Variants in FARS2 observed in about 807,000 individuals in gnomAD.
FARS2 encodes phenylalanine--tRNA ligase, mitochondrial.
Under a neutral mutation model 46.4 loss-of-function variants are expected in FARS2, and 40 were observed. The observed-to-expected ratio is 0.86, with a 90% CI of 0.67 to 1.12. FARS2 has a LOEUF of 1.12. FARS2 is among the 50% of genes most tolerant of loss of function. The pLI, the probability that FARS2 is intolerant of heterozygous loss-of-function variation, is 0.00. For missense variants in FARS2, 513 were observed against 567.9 expected (o/e 0.90, Z 0.98); for synonymous variants, 234 against 214.9 (o/e 1.09, Z -0.78).
intron 3 of FARS2, among the ~76,000 whole-genome samples, chr6:5,405,562 A>G (rs921329475): frequency 7.7e-6 from 1 of 130,684 alleles, no homozygotes; most frequent in Admixed American, 9.7e-5. Context: ...GGGTGATCTC[A>G]GCTCACTGCA....
intron 6 of FARS2, among the ~76,000 whole-genome samples, chr6:5,673,969 A>G (rs1463702293): frequency 2.0e-5 from 3 of 152,064 alleles, no homozygotes; most frequent in African/African-American, 7.2e-5. Context: ...TGCTTATTTA[A>G]ACTTCTGAAT....
At chr6:5,253,730 C>T in the FARS2 span, among the ~76,000 whole-genome samples, 4 of 151,620 alleles carry the variant, frequency 2.6e-5, no homozygotes, top group South Asian at 2.1e-4. Flanking sequence ...TTACAATACT[C>T]GAGAAGTTGC....
chr6:5,356,800 T>C (rs1395508960), intron 1 of FARS2, among the ~76,000 whole-genome samples: 1 of 152,214 alleles, frequency 6.6e-6, no homozygotes, highest in African/African-American at 2.4e-5. Context: ...CATAGCAACT[T>C]TATAGACTAT....
intron 6 of FARS2, among the ~76,000 whole-genome samples, chr6:5,708,626 C>T (rs1445088321): frequency 2.0e-5 from 3 of 151,720 alleles, no homozygotes; most frequent in African/African-American, 7.3e-5. Flanking sequence ...CATGACAATC[C>T]CCCCAAATCC....
At position 5,343,767 on chromosome 6, in the gene FARS2, G is replaced by A. The variant is rs1404888851; in HGVS notation, c.-21-24783G>A. On this transcript the variant is annotated intron_variant, in intron 1 of 6. Transcript: ENST00000274680. The surrounding 1 kb of genome is among the most constrained non-coding windows in gnomAD (Gnocchi z 4.5). ...GTGGGAGGGAGAGGACCTTTGTCTT[G>A]GTAGCTGTCTACTGTACTAATATTC... 2.0e-5 allele frequency among the ~76,000 whole-genome samples: 3 copies of A among 152,144 alleles called. No homozygotes were observed. The highest frequency in any genetic ancestry group is 7.2e-5 in the African/African-American group (3 of 41,422).
chr6:5,747,470 T>C (rs931988849), intron 6 of FARS2, among the ~76,000 whole-genome samples: 2 of 152,194 alleles, frequency 1.3e-5, no homozygotes, highest in Non-Finnish European at 2.9e-5. Context: ...AGATGGAGCC[T>C]GTGGGATTTG....
Position 5,365,083 on chromosome 6 carries a change from C to A in FARS2, c.-21-3467C>A, listed in dbSNP as rs568641973. ...AAAAAGCCAAAGCCAAAAAAAAAAA[C>A]CCCAAACAGACTACTGTGGGCAGAT... is the stretch of plus-strand genomic sequence containing the variant. On this transcript the variant is annotated intron_variant, in intron 1 of 6. Coordinates refer to ENST00000274680, the MANE Select transcript of FARS2 (RefSeq NM_006567.5). Among the ~76,000 whole-genome samples the A allele has an allele frequency of 5.6e-4, 85 of 150,790 alleles. 1 individual carries two copies. In the East Asian group the frequency reaches 0.016, roughly 29 times the overall value.
chr6:5,312,106 C>T (rs1769118382), intron 1 of FARS2, among the ~76,000 whole-genome samples: 2 of 152,122 alleles, frequency 1.3e-5, no homozygotes, highest in South Asian at 2.1e-4. Context: ...TACAAATAAT[C>T]TAGGAACAAG....
At chr6:5,605,794 A>G (rs986316389) in intron 5 of FARS2, among the ~76,000 whole-genome samples, 1 of 152,218 alleles carries the variant, frequency 6.6e-6, no homozygotes, top group African/African-American at 2.4e-5. Flanking sequence ...TGGAGAAATA[A>G]TAACCATTAA....
chr6:5,494,921 A>C (rs1291690384), intron 4 of FARS2, among the ~76,000 whole-genome samples: 1 of 152,246 alleles, frequency 6.6e-6, no homozygotes, highest in East Asian at 1.9e-4. Flanking sequence ...CTTATAGTTC[A>C]GATTCATCCC....
rs778384957 is a variant in FARS2, at chr6:5,553,595, AT to A, written c.1065+8265del. 2.6e-3 allele frequency among the ~76,000 whole-genome samples: 398 copies of A among 150,952 alleles called. 1 individual carries two copies. Among genetic ancestry groups the A allele is most frequent in the African/African-American group, 8.6e-3 (356 of 41,202 alleles). Reference sequence around the variant, plus strand: ...GATTATTCAGAGCCGAAGGATTTAAATTTTTTTTTTAACAAATCTAAAAATC... The same window carrying A: ...GATTATTCAGAGCCGAAGGATTTAAATTTTTTTTTAACAAATCTAAAAATC... On this transcript the variant is annotated intron_variant, in intron 5 of 6. Coordinates refer to ENST00000274680, the MANE Select transcript of FARS2 (RefSeq NM_006567.5).
intron 1 of FARS2, among the ~76,000 whole-genome samples, chr6:5,357,162 G>A: frequency 6.6e-6 from 1 of 152,156 alleles, no homozygotes; most frequent in Non-Finnish European, 1.5e-5. Flanking sequence ...ATGAACTTCA[G>A]TGCTGTGCTT....
chr6:5,647,856 C>T (rs78265592), intron 6 of FARS2, among the ~76,000 whole-genome samples: 5,270 of 152,280 alleles, frequency 0.035, 239 homozygotes, highest in African/African-American at 0.099. Flanking sequence ...CTGTAATTAG[C>T]ACGTAACCCA....
intron 6 of FARS2, among the ~76,000 whole-genome samples, chr6:5,737,176 C>G (rs2150945958): frequency 6.6e-6 from 1 of 152,278 alleles, no homozygotes; most frequent in East Asian, 1.9e-4. Context: ...GAAATACACT[C>G]AGAGCCACTC....
intron 4 of FARS2, among the ~76,000 whole-genome samples, chr6:5,472,186 T>C (rs543933021): frequency 2.4e-4 from 37 of 152,276 alleles, no homozygotes; most frequent in Non-Finnish European, 3.5e-4. Context: ...GCTGGTGTAG[T>C]GGTGCTTCTG....
intron 6 of FARS2, among the ~76,000 whole-genome samples, chr6:5,623,196 G>A (rs967275467): frequency 6.6e-6 from 1 of 152,154 alleles, no homozygotes; most frequent in Non-Finnish European, 1.5e-5. Flanking sequence ...TCCAAAAAAC[G>A]AGTTAGCTAT....
intron 6 of FARS2, among the ~76,000 whole-genome samples, chr6:5,742,122 C>T (rs1041228381): frequency 6.6e-6 from 1 of 152,132 alleles, no homozygotes; most frequent in Non-Finnish European, 1.5e-5. Context: ...TGAATAGGTA[C>T]GTTGGCGTCA....
At chr6:5,297,537 A>G (rs544069967) in intron 1 of FARS2, among the ~76,000 whole-genome samples, 64 of 152,132 alleles carry the variant, frequency 4.2e-4, no homozygotes, top group Middle Eastern at 3.4e-3. Flanking sequence ...AATCCCAGCT[A>G]CTCGGGAGGC....
intron 4 of FARS2, among the ~76,000 whole-genome samples, chr6:5,481,129 C>T (rs912622447): frequency 1.4e-4 from 21 of 152,200 alleles, no homozygotes; most frequent in African/African-American, 3.4e-4. Flanking sequence ...TGTCTCTCCC[C>T]GCTGGAAAGA....
Sources: allele counts gnomAD v4.1 joint callset (sites outside exome capture counted in the v4.1 genomes callset), GRCh38; gene constraint gnomAD v4.1.1; non-coding constraint Gnocchi (gnomAD v3.1); transcripts MANE v1.5; gene names NCBI Gene and HGNC (gene_info 2026-07-23, HGNC 2026-07-21).